Variants in MYBPC3 observed in about 807,000 individuals in gnomAD.
MYBPC3 encodes myosin binding protein C3.
MYBPC3 carries 108 observed loss-of-function variants against 159.3 expected under a neutral mutation model. The ratio of observed to expected loss-of-function variants is 0.68; its 90% CI spans 0.58 to 0.80. MYBPC3 has a LOEUF of 0.80. Ranked by LOEUF, MYBPC3 falls within the 30% of genes least tolerant of loss-of-function variation. MYBPC3 has a pLI of 0.00. For missense variants in MYBPC3, 1,631 were observed against 1,762.1 expected (o/e 0.93, Z 1.33); for synonymous variants, 730 against 702.0 (o/e 1.04, Z -0.63).
In MYBPC3 at chr11:47,348,483, C is replaced by G. The variant is rs727504396; in HGVS notation, c.713G>C (p.Arg238Pro). ...DAQPAFTGSY[R>P]CEVSTKDKFD... ...TTTGTCCTTGGTGGACACCTCACAG[C>G]GGTAGCTGCCAGTGAAGGCAGGCTG... The change falls in exon 6 of 35, where the codon CGC becomes CCC. Residue 238 changes from arginine (R) to proline (P), a missense_variant. Coordinates refer to ENST00000545968, the MANE Select transcript of MYBPC3 (RefSeq NM_000256.3). 1.2e-6 allele frequency: 2 copies of G among 1,613,434 alleles called. No individual in the cohort carries two copies. Among genetic ancestry groups the G allele is most frequent in the Non-Finnish European group, 1.7e-6 (2 of 1,179,694 alleles).
chr11:47,332,774 C>A lies in MYBPC3; in HGVS notation c.3490+40G>T. 6.3e-7 allele frequency: 1 copy of A among 1,586,766 alleles called. No homozygotes were observed. The highest frequency in any genetic ancestry group is 2.3e-5 in the East Asian group (1 of 43,548). Reference sequence around the variant, plus strand: ...CCCCTCTCCCTGTTCCCACAGCCTCCCTGCCCCAGCCCCTGGTTGGAAGAA... The same window carrying A: ...CCCCTCTCCCTGTTCCCACAGCCTCACTGCCCCAGCCCCTGGTTGGAAGAA... On this transcript the variant is annotated intron_variant, in intron 31 of 34. Coordinates refer to ENST00000545968, the MANE Select transcript of MYBPC3 (RefSeq NM_000256.3). The surrounding 1 kb of genome is among the most constrained non-coding windows in gnomAD (Gnocchi z 4.2).
At position 47,348,436 on chromosome 11, in the gene MYBPC3, G is replaced by C. The variant is rs1228355472; in HGVS notation, c.760C>G (p.Leu254Val). 6.2e-7 allele frequency: 1 copy of C among 1,611,724 alleles called. No individual in the cohort carries two copies. The highest frequency in any genetic ancestry group is 1.3e-5 in the African/African-American group (1 of 74,906). The change falls in exon 6 of 35, where the codon CTC (leucine) becomes GTC (valine). Residue 254 changes from leucine to valine, a missense_variant. By Grantham distance (32) the Leu-to-Val change is conservative. Coordinates refer to ENST00000545968, the MANE Select transcript of MYBPC3 (RefSeq NM_000256.3). The stretch of plus-strand genomic sequence containing the variant: ...AGGGCCCCCTCACCGTGGACAGTGA[G>C]ATTGAAGTTGGAGCAGTCAAATTTG... ...KDKFDCSNFN[L>V]TVHEAMGTGD...
At chr11:47,348,183 G>A (rs530948354) in intron 6 of MYBPC3, among the ~76,000 whole-genome samples, 36 of 152,254 alleles carry the variant, frequency 2.4e-4, no homozygotes, top group African/African-American at 1.7e-4. Flanking sequence ...GCCAGGAGCC[G>A]TGACACCAAG....
chr11:47,336,171 G>A (rs1447292488), intron 25 of MYBPC3, among the ~76,000 whole-genome samples, 160 bp from the exon 26 acceptor site: 1 of 152,104 alleles, frequency 6.6e-6, no homozygotes, highest in African/African-American at 2.4e-5. Context: ...TACAAGACAT[G>A]TCTGTAGATT....
At position 47,351,182 on chromosome 11, in the gene MYBPC3, C is replaced by CGGGGGG; in HGVS notation, c.292+56_292+57insCCCCCC. 1 of 1,451,574 alleles carries CGGGGGG rather than the reference C, an allele frequency of 6.9e-7. No homozygotes were observed. Among genetic ancestry groups the CGGGGGG allele is most frequent in the Non-Finnish European group, 9.2e-7 (1 of 1,091,546 alleles). 89.9% of individuals were successfully genotyped at this position (1,451,574 alleles called of 1,614,324 possible). On this transcript the variant is annotated intron_variant, in intron 2 of 34. Transcript: ENST00000545968. This position sits in a 1 kb window ranked among gnomAD's most constrained non-coding sequence, Gnocchi z 4.2. The stretch of plus-strand genomic sequence containing the variant: ...TGTTCCCTGGATGGATGGAGAGTCG[C>CGGGGGG]TGGGCTGCCCCTCCCCCAGCAGCCC...
At position 47,341,186 on chromosome 11, in the gene MYBPC3, CAAAGCTGTAG is replaced by C; in HGVS notation, c.1839_1848del (p.Asp613GlufsTer47). Reference sequence around the variant, plus strand: ...AGGTTGCAGGCGAAGCCCTCGGGCACAAAGCTGTAGTCAGCCTCGTCGGCAGGTGTGACGT... The same window carrying C: ...AGGTTGCAGGCGAAGCCCTCGGGCACTCAGCCTCGTCGGCAGGTGTGACGT... On this transcript the variant is annotated frameshift_variant, in exon 19 of 35. Coordinates refer to ENST00000545968, the MANE Select transcript of MYBPC3 (RefSeq NM_000256.3). LOFTEE classifies it high-confidence loss of function. 1.3e-6 allele frequency: 2 copies of C among 1,585,930 alleles called. No homozygotes were observed. Among genetic ancestry groups the C allele is most frequent in the Non-Finnish European group, 1.7e-6 (2 of 1,166,300 alleles).
At chr11:47,348,930 A>ATAT (rs1291880008) in intron 5 of MYBPC3, among the ~76,000 whole-genome samples, 12 of 133,588 alleles carry the variant, frequency 9.0e-5, no homozygotes, top group Non-Finnish European at 1.3e-4. Flanking sequence ...ATATATATTT[A>ATAT]AAGGAGGCTG....
Position 47,342,949 on chromosome 11 carries a change from G to C in MYBPC3, c.1352-14C>G. 1 of 1,611,434 alleles carries C rather than the reference G, an allele frequency of 6.2e-7. No homozygotes were observed. The highest frequency in any genetic ancestry group is 1.7e-5 in the Admixed American group (1 of 59,672). On this transcript the variant is annotated splice_polypyrimidine_tract_variant and intron_variant, in intron 15 of 34. Coordinates refer to ENST00000545968, the MANE Select transcript of MYBPC3 (RefSeq NM_000256.3). ...GCACAGGGGGCTCTGTCCAGGCAGG[G>C]TGAGCATGAGGGTTGGCTCCCCTGA... is the stretch of plus-strand genomic sequence containing the variant.
chr11:47,335,740 A>C, intron 26 of MYBPC3, 137 bp downstream of exon 26: 1 of 719,764 alleles, frequency 1.4e-6, no homozygotes, highest in Non-Finnish European at 2.1e-6. Context: ...TTCTGAAAAC[A>C]GGACAGATAT....
At position 47,338,710 on chromosome 11, in the gene MYBPC3, A is replaced by G. The variant is rs767144929; in HGVS notation, c.2149-31T>C. The G allele has an allele frequency of 1.9e-6, 3 of 1,584,336 alleles. No homozygotes were observed. The highest frequency in any genetic ancestry group is 1.7e-5 in the Admixed American group (1 of 57,500). On this transcript the variant is annotated intron_variant, in intron 22 of 34. Transcript: ENST00000545968. This position sits in a 1 kb window ranked among gnomAD's most constrained non-coding sequence, Gnocchi z 4.7. ...GGGGTGCAGAGTTGGGGTGAGATCCAAGTCAGACCCCAGAGGCCCTTGCAG... is the reference window on the plus strand; with the variant it reads ...GGGGTGCAGAGTTGGGGTGAGATCCGAGTCAGACCCCAGAGGCCCTTGCAG...
At chr11:47,333,380 GCAGGGGGTCACTGGCTC>G in intron 29 of MYBPC3, 47 bp from the exon 30 acceptor site, 5 of 1,516,616 alleles carry the variant, frequency 3.3e-6, no homozygotes, top group Non-Finnish European at 4.4e-6. Context: ...CTGACAGTGA[GCAGGGGGTCACTGGCTC>G]CAGGGACCAC....
rs1250637243 is a variant in MYBPC3, at chr11:47,351,340, T to C, written c.191A>G (p.His64Arg). 2 of 1,599,200 alleles carry C rather than the reference T, an allele frequency of 1.3e-6. No individual in the cohort carries two copies. Among genetic ancestry groups the C allele is most frequent in the Non-Finnish European group, 1.7e-6 (2 of 1,173,286 alleles). The change falls in exon 2 of 35, where the codon CAT (histidine) becomes CGT (arginine). Residue 64 changes from histidine (H) to arginine (R), a missense_variant. Physicochemically the swap from His to Arg is conservative, Grantham distance 29. Transcript: ENST00000545968. This position sits in a 1 kb window ranked among gnomAD's most constrained non-coding sequence, Gnocchi z 4.2. ...KYGLATEGTR[H>R]TLTVREVGPA... ...GCCCACTTCCCGCACTGTCAGCGTA[T>C]GCCGTGTGCCCTCTGTGGCCAGGCC...
At position 47,346,509 on chromosome 11, in the gene MYBPC3, C is replaced by G. The variant is rs896091431; in HGVS notation, c.926+118G>C. 6.8e-7 allele frequency: 1 copy of G among 1,466,714 alleles called. No individual in the cohort carries two copies. The highest frequency in any genetic ancestry group is 2.4e-5 in the Admixed American group (1 of 41,048). 90.9% of individuals were successfully genotyped at this position (1,466,714 alleles called of 1,614,324 possible). ...TTCTGGTGGGGCAGCTGGAGCTGCT[C>G]TGGGTCCCAGGCCAGGCAGGACTGG... On this transcript the variant is annotated intron_variant, in intron 11 of 34. Coordinates refer to ENST00000545968, the MANE Select transcript of MYBPC3 (RefSeq NM_000256.3). The surrounding 1 kb of genome is among the most constrained non-coding windows in gnomAD (Gnocchi z 5.3).
chr11:47,344,088 A>C (rs1320514649), intron 12 of MYBPC3, among the ~76,000 whole-genome samples: 1 of 152,018 alleles, frequency 6.6e-6, no homozygotes, highest in African/African-American at 2.4e-5. Flanking sequence ...TCATTTCTTT[A>C]TCTGTGTCTA....
rs748746951 is a variant in MYBPC3, at chr11:47,347,857, G to T, written c.821C>A (p.Thr274Lys). 2 of 1,565,482 alleles carry T rather than the reference G, an allele frequency of 1.3e-6. No individual in the cohort carries two copies. The highest frequency in any genetic ancestry group is 1.9e-5 in the Admixed American group (1 of 52,546). The change falls in exon 7 of 35, where the codon ACG becomes AAG. Residue 274 changes from threonine to lysine, a missense_variant and splice_region_variant. Thr to Lys is a moderately conservative substitution (Grantham distance 78, BLOSUM62 -1). Transcript: ENST00000545968. The stretch of plus-strand genomic sequence containing the variant: ...CCAGGCCCTGAGGATGGCCACTCAC[G>T]TGCGGCGGAAGGCTGATAGGAGGTC... ...DLDLLSAFRR[T>K]SLAGGGRRIS...
Position 47,346,457 on chromosome 11 carries a change from GC to G in MYBPC3, c.927-88del. The G allele has an allele frequency of 6.8e-7, 1 of 1,469,356 alleles. No individual in the cohort carries two copies. The highest frequency in any genetic ancestry group is 1.4e-5 in the South Asian group (1 of 71,784). 91.0% of individuals were successfully genotyped at this position (1,469,356 alleles called of 1,614,324 possible). A position where few individuals can be genotyped will look rare whatever the true frequency, so the allele number is the denominator to read the frequency against. ...CTGGGCCCAGGACCAAGGAGCTGTA[GC>G]CACCCCTGTCCCTCTGCCCCTTCCC... On this transcript the variant is annotated intron_variant, in intron 11 of 34. Coordinates refer to ENST00000545968, the MANE Select transcript of MYBPC3 (RefSeq NM_000256.3). The surrounding 1 kb of genome is among the most constrained non-coding windows in gnomAD (Gnocchi z 5.3).
Position 47,349,858 on chromosome 11 carries a change from C to A in MYBPC3, c.570G>T (p.Lys190Asn). The A allele has an allele frequency of 6.2e-7, 1 of 1,612,788 alleles. No homozygotes were observed. The highest frequency in any genetic ancestry group is 2.2e-5 in the East Asian group (1 of 44,868). ...GGTCCACCCATTTGCCCTTGAACCA[C>A]TTGACCACAGGCGGCTTCAGGAGGC... ...GASLLKPPVV[K>N]WFKGKWVDLS... The change falls in exon 5 of 35, where the codon AAG (lysine) becomes AAT (asparagine). Residue 190 changes from lysine to asparagine, a missense_variant. Lys to Asn is a moderately conservative substitution (Grantham distance 94). Transcript: ENST00000545968.
chr11:47,347,162 G>A, intron 9 of MYBPC3, 133 bp from the exon 10 acceptor site: 5 of 1,439,644 alleles, frequency 3.5e-6, no homozygotes, highest in Non-Finnish European at 4.6e-6. Context: ...TTCCTTCTGG[G>A]TCCCCGGAGT....
intron 5 of MYBPC3, 129 bp downstream of exon 5, chr11:47,349,645 G>A (rs1158776082): frequency 8.9e-6 from 12 of 1,341,664 alleles, no homozygotes; most frequent in African/African-American, 1.5e-5. Context: ...CTGCCTCCCA[G>A]ATTCCCCACA....
Sources: gnomAD v4.1 joint callset for allele counts (sites outside exome capture counted in the v4.1 genomes callset) on GRCh38, gnomAD v4.1.1 for gene constraint, Gnocchi (gnomAD v3.1) non-coding constraint, MANE v1.5 for transcripts, NCBI Gene and HGNC (gene_info 2026-07-23, HGNC 2026-07-21) for gene names.